The following ANP32A variants were observed in gnomAD, a reference collection of about 807,000 sequenced individuals.
The protein encoded by ANP32A is acidic leucine-rich nuclear phosphoprotein 32 family member A.
In ANP32A, 1 loss-of-function variant was observed where a neutral mutation model predicts 33.9. That is an observed-to-expected ratio of 0.03 (90% CI 0.01 to 0.14). The LOEUF (loss-of-function observed/expected upper bound fraction) is 0.14, where lower values mean the gene tolerates loss of function less well. Ranked by LOEUF, ANP32A falls within the 10% of genes least tolerant of loss-of-function variation. The pLI, the probability that ANP32A is intolerant of heterozygous loss-of-function variation, is 1.00. For synonymous variants in ANP32A, 115 were observed against 120.5 expected, an observed-to-expected ratio of 0.95 and a Z score of 0.30; for missense variants, 155 against 306.0, an observed-to-expected ratio of 0.51 and a Z score of 3.68.
chr15:68,815,930 T>C (rs1315926284), intron 1 of ANP32A, among the ~76,000 whole-genome samples: 1 of 152,236 alleles, frequency 6.6e-6, no homozygotes, highest in Non-Finnish European at 1.5e-5. Context: ...ATGCCAGTTA[T>C]GTTGAGTTTT....
chr15:68,810,413 AGT>A (rs1029248521), intron 1 of ANP32A, among the ~76,000 whole-genome samples: 1 of 151,832 alleles, frequency 6.6e-6, no homozygotes, highest in Non-Finnish European at 1.5e-5. Context: ...GAGGATCATG[AGT>A]GTGTGTGTGT....
In ANP32A at chr15:68,779,933, A is replaced by AG. The variant is rs929895291; in HGVS notation, c.*147dup. 6 of 332,816 alleles carry AG rather than the reference A, an allele frequency of 1.8e-5. No individual in the cohort carries two copies. Among genetic ancestry groups the AG allele is most frequent in the African/African-American group, 1.5e-4 (6 of 40,686 alleles). 20.6% of individuals were successfully genotyped at this position (332,816 alleles called of 1,614,324 possible). Reference sequence around the variant, plus strand: ...CGCCATCCCTCCCCCCGCAACCCCCAGTACACTCTTCCCCTCTCGTTCCCA... The same window carrying AG: ...CGCCATCCCTCCCCCCGCAACCCCCAGGTACACTCTTCCCCTCTCGTTCCCA... On this transcript the variant is annotated 3_prime_UTR_variant, in exon 7 of 7. Transcript: ENST00000465139.
At chr15:68,807,181 G>A (rs34554070) in intron 1 of ANP32A, among the ~76,000 whole-genome samples, 1,818 of 152,322 alleles carry the variant, frequency 0.012, 12 homozygotes, top group Middle Eastern at 0.024. Flanking sequence ...CTTCCAGTGA[G>A]TTGAGGAGGG....
At chr15:68,818,689 C>G (rs1233271269) in intron 1 of ANP32A, among the ~76,000 whole-genome samples, 1 of 152,130 alleles carries the variant, frequency 6.6e-6, no homozygotes, top group Non-Finnish European at 1.5e-5. Context: ...CCCGGGGGGC[C>G]GGCAGCGTCG....
chr15:68,814,104 C>G (rs1236380002), intron 1 of ANP32A, among the ~76,000 whole-genome samples: 2 of 152,024 alleles, frequency 1.3e-5, no homozygotes, highest in South Asian at 4.1e-4. Flanking sequence ...CTCCTGACCT[C>G]GTGATCCACC....
chr15:68,794,296 T>C (rs546005031), intron 1 of ANP32A, among the ~76,000 whole-genome samples: 1 of 152,346 alleles, frequency 6.6e-6, no homozygotes, highest in Non-Finnish European at 1.5e-5. Context: ...ACGAGGCCTC[T>C]TAACCTGTTG....
At chr15:68,818,042 AT>A (rs1420635331) in intron 1 of ANP32A, among the ~76,000 whole-genome samples, 63 of 152,100 alleles carry the variant, frequency 4.1e-4, no homozygotes, top group South Asian at 2.9e-3. Flanking sequence ...GTTAAAAAAA[AT>A]AAATAAATAA....
Position 68,787,711 on chromosome 15 carries a change from A to G in ANP32A, c.204+59T>C, listed in dbSNP as rs117335252. The stretch of plus-strand genomic sequence containing the variant: ...CAATTACTCTTTCTAAACATAGGTA[A>G]TAACCCTTCCCACTCCCCACCCCCG... On this transcript the variant is annotated intron_variant, in intron 2 of 6. Transcript: ENST00000465139. The G allele has an allele frequency of 4.4e-3, 7,046 of 1,606,462 alleles. 31 individuals carry two copies. The highest frequency in any genetic ancestry group is 4.8e-3 in the Non-Finnish European group (5,587 of 1,174,306).
chr15:68,800,998 G>A (rs200233591), intron 1 of ANP32A, among the ~76,000 whole-genome samples: 1 of 27,266 alleles, frequency 3.7e-5, no homozygotes. Context: ...TTGTGGAAGG[G>A]AAGAAAGGAG....
intron 1 of ANP32A, among the ~76,000 whole-genome samples, chr15:68,812,386 T>C (rs1894325249): frequency 6.6e-6 from 1 of 152,054 alleles, no homozygotes; most frequent in Non-Finnish European, 1.5e-5. Context: ...TGGGGGAACA[T>C]GGCTGATGGG....
chr15:68,812,431 G>A (rs1042644600), intron 1 of ANP32A, among the ~76,000 whole-genome samples: 4 of 152,198 alleles, frequency 2.6e-5, no homozygotes, highest in Admixed American at 6.5e-5. Flanking sequence ...GAAGGCACCC[G>A]TCTGGGGTAG....
At chr15:68,793,235 A>G (rs1164270500) in intron 1 of ANP32A, among the ~76,000 whole-genome samples, 1 of 152,238 alleles carries the variant, frequency 6.6e-6, no homozygotes, top group Non-Finnish European at 1.5e-5. Flanking sequence ...GTATAACATT[A>G]GGTGCTGGGA....
chr15:68,804,678 A>G (rs1567038317), intron 1 of ANP32A, among the ~76,000 whole-genome samples: 1 of 151,856 alleles, frequency 6.6e-6, no homozygotes, highest in Non-Finnish European at 1.5e-5. Flanking sequence ...ACCACGCCCA[A>G]TTAATTTTTG....
At chr15:68,807,093 C>T (rs766046730) in intron 1 of ANP32A, among the ~76,000 whole-genome samples, 1 of 152,214 alleles carries the variant, frequency 6.6e-6, no homozygotes, top group Non-Finnish European at 1.5e-5. Context: ...GGCTGAGAGG[C>T]GAACGCTGCT....
intron 1 of ANP32A, among the ~76,000 whole-genome samples, chr15:68,811,035 A>G (rs1005254548): frequency 7.0e-6 from 1 of 143,154 alleles, no homozygotes; most frequent in Non-Finnish European, 1.5e-5. Flanking sequence ...GCACTCCAAC[A>G]TGGGCCACAG....
At chr15:68,814,241 C>T (rs1478611122) in intron 1 of ANP32A, among the ~76,000 whole-genome samples, 1 of 151,956 alleles carries the variant, frequency 6.6e-6, no homozygotes, top group Non-Finnish European at 1.5e-5. Context: ...GCTCTGAAAG[C>T]TCAAGCAGAT....
rs373323362 is a variant in ANP32A at position 68,784,518 on chromosome 15, C to T, written c.405G>A (p.Val135=). ...VTNLNDYREN[V]FKLLPQLTYL... ...ATGTGAGTTGCGGGAGGAGCTTGAACACATTTTCTCGGTAGTCGTTCAGGT... is the reference window on the plus strand; with the variant it reads ...ATGTGAGTTGCGGGAGGAGCTTGAATACATTTTCTCGGTAGTCGTTCAGGT... The change falls in exon 4 of 7, where the codon GTG becomes GTA. Residue 135 remains valine, a synonymous_variant. Coordinates refer to ENST00000465139, the MANE Select transcript of ANP32A (RefSeq NM_006305.4). 6.2e-7 allele frequency: 1 copy of T among 1,614,200 alleles called. No individual in the cohort carries two copies. The highest frequency in any genetic ancestry group is 8.5e-7 in the Non-Finnish European group (1 of 1,180,042).
chr15:68,784,695 C>A, intron 3 of ANP32A, 100 bp from the exon 4 acceptor site: 1 of 1,309,450 alleles, frequency 7.6e-7, no homozygotes, highest in South Asian at 1.3e-5. Context: ...ATAGCATGCG[C>A]AGACCATGAC....
At chr15:68,811,556 G>C (rs1894312414) in intron 1 of ANP32A, among the ~76,000 whole-genome samples, 1 of 152,102 alleles carries the variant, frequency 6.6e-6, no homozygotes, top group African/African-American at 2.4e-5. Flanking sequence ...AAAAAGAGTT[G>C]CCCAGAAGAG....
Sources: allele counts gnomAD v4.1 joint callset (sites outside exome capture counted in the v4.1 genomes callset), GRCh38; gene constraint gnomAD v4.1.1; transcripts MANE v1.5; gene names NCBI Gene and HGNC (gene_info 2026-07-23, HGNC 2026-07-21).